Variants in COL22A1 observed in about 807,000 individuals in gnomAD.
The protein encoded by COL22A1 is collagen alpha-1(XXII) chain.
Under a neutral mutation model 248.9 loss-of-function variants are expected in COL22A1, and 221 were observed. The ratio of observed to expected loss-of-function variants is 0.89; its 90% CI spans 0.80 to 0.99. The LOEUF (loss-of-function observed/expected upper bound fraction) is 0.99. Among genes scored for constraint, COL22A1 ranks in the 50% least tolerant of loss-of-function variants. The pLI is 0.00. For missense variants in COL22A1, 2,240 were observed against 2,179.0 expected (o/e 1.03, Z -0.56); for synonymous variants, 891 against 793.4 (o/e 1.12, Z -2.07).
intron 51 of COL22A1, among the ~76,000 whole-genome samples, chr8:138,624,167 A>ATGCTG (rs1820061891): frequency 6.6e-6 from 1 of 152,120 alleles, no homozygotes; most frequent in Non-Finnish European, 1.5e-5. Context: ...GGGAATGTGG[A>ATGCTG]TGCTGACGAT....
At chr8:138,785,994 G>A (rs926608506) in intron 12 of COL22A1, among the ~76,000 whole-genome samples, 3 of 152,146 alleles carry the variant, frequency 2.0e-5, no homozygotes, top group Non-Finnish European at 2.9e-5. Context: ...ATGGTCCTTA[G>A]AGCCAACGAG....
rs764261522 is a variant in COL22A1 at position 138,705,920 on chromosome 8, C to T, written c.2518-2573G>A. Among the ~76,000 whole-genome samples the T allele has an allele frequency of 3.0e-4, 45 of 151,962 alleles. 1 individual carries two copies. The highest frequency in any genetic ancestry group is 4.0e-4 in the Non-Finnish European group (27 of 67,978). On this transcript the variant is annotated intron_variant, in intron 30 of 64. Coordinates refer to ENST00000303045, the MANE Select transcript of COL22A1 (RefSeq NM_152888.3). ...TGCAGAGACACACATAGGCTCAAAA[C>T]AAAGGGATAGAGGAAGATCTACCAA...
At chr8:138,621,567 T>A (rs1819804123) in intron 52 of COL22A1, among the ~76,000 whole-genome samples, 1 of 152,232 alleles carries the variant, frequency 6.6e-6, no homozygotes, top group Admixed American at 6.5e-5. Flanking sequence ...ATACACGTTC[T>A]GCAGAAAGGT....
chr8:138,624,927 A>G (rs937542405), intron 51 of COL22A1, among the ~76,000 whole-genome samples: 1 of 152,206 alleles, frequency 6.6e-6, no homozygotes, highest in Non-Finnish European at 1.5e-5. Context: ...GTGGGGACTC[A>G]AGGCTAAACA....
chr8:138,700,033 T>C (rs1827823746), intron 32 of COL22A1, 79 bp downstream of exon 32: 2 of 1,389,998 alleles, frequency 1.4e-6, no homozygotes, highest in Admixed American at 3.5e-5. Context: ...CCCCACCCAG[T>C]CCAGGCTCCC....
chr8:138,776,635 C>T (rs750074592), intron 15 of COL22A1, among the ~76,000 whole-genome samples: 16 of 152,004 alleles, frequency 1.1e-4, no homozygotes, highest in South Asian at 2.1e-4. Context: ...TTCCCCCCAC[C>T]CCATCATCCA....
At chr8:138,803,093 A>G (rs1414794168) in intron 10 of COL22A1, among the ~76,000 whole-genome samples, 159 bp from the exon 11 acceptor site, 1 of 152,134 alleles carries the variant, frequency 6.6e-6, no homozygotes, top group Non-Finnish European at 1.5e-5. Flanking sequence ...ACCCCTGGAG[A>G]GGAGGAAGCA....
chr8:138,761,671 T>A (rs914620141), intron 17 of COL22A1, among the ~76,000 whole-genome samples: 2 of 152,160 alleles, frequency 1.3e-5, no homozygotes, highest in Non-Finnish European at 2.9e-5. Context: ...CATAGTATTT[T>A]ACTAATTGGC....
At chr8:138,857,757 TG>T (rs1470465723) in intron 3 of COL22A1, among the ~76,000 whole-genome samples, 1 of 152,230 alleles carries the variant, frequency 6.6e-6, no homozygotes, top group African/African-American at 2.4e-5. Flanking sequence ...AGTGACCCTG[TG>T]GTCCAACCCC....
intron 3 of COL22A1, among the ~76,000 whole-genome samples, chr8:138,872,957 C>G (rs1382942252): frequency 6.6e-6 from 1 of 152,170 alleles, no homozygotes; most frequent in Non-Finnish European, 1.5e-5. Context: ...GATTTTTTTC[C>G]AAGTTCGTTT....
At chr8:138,819,713 ATATAT>A (rs1400434331) in intron 7 of COL22A1, among the ~76,000 whole-genome samples, 1 of 148,334 alleles carries the variant, frequency 6.7e-6, no homozygotes, top group Non-Finnish European at 1.5e-5. Context: ...TATAATGTTT[ATATAT>A]TATATATAAT....
intron 3 of COL22A1, among the ~76,000 whole-genome samples, chr8:138,873,429 AG>A (rs1340941343): frequency 3.5e-4 from 54 of 152,310 alleles, no homozygotes; most frequent in African/African-American, 1.3e-3. Context: ...ATTAACTGTC[AG>A]GCCACTGCCC....
At chr8:138,761,144 C>T (rs1224302236) in intron 17 of COL22A1, among the ~76,000 whole-genome samples, 2 of 152,162 alleles carry the variant, frequency 1.3e-5, no homozygotes, top group African/African-American at 4.8e-5. Flanking sequence ...AGACCCTCGC[C>T]GGCCAGCCCA....
rs533481649 is a variant in COL22A1, at chr8:138,661,746, C to T, written c.3240+284G>A. On this transcript the variant is annotated intron_variant, in intron 43 of 64. Transcript: ENST00000303045. ...GCAGAACTGACTAGGGTATGTAAGA[C>T]ATTGACCAAGAAATTAGGGAACATT... Among the ~76,000 whole-genome samples the T allele has an allele frequency of 2.9e-4, 36 of 122,450 alleles. 1 individual carries two copies. The highest frequency in any genetic ancestry group is 1.4e-3 in the African/African-American group (36 of 26,158). The allele number at this position is 122,450 out of a possible 152,430, so 80.3% of individuals were successfully genotyped here. A position where few individuals can be genotyped will look rare whatever the true frequency, so the allele number is the denominator to read the frequency against.
intron 29 of COL22A1, among the ~76,000 whole-genome samples, 163 bp from the exon 30 acceptor site, chr8:138,715,898 C>T (rs1212400503): frequency 2.6e-5 from 4 of 152,144 alleles, no homozygotes; most frequent in Non-Finnish European, 5.9e-5. Flanking sequence ...TGAAGTGTAA[C>T]TCAGAGGGGA....
At chr8:138,709,338 C>T (rs1301748681) in intron 30 of COL22A1, among the ~76,000 whole-genome samples, 4 of 152,098 alleles carry the variant, frequency 2.6e-5, no homozygotes, top group Admixed American at 6.6e-5. Flanking sequence ...CACATGCACA[C>T]GTATGTTTAT....
chr8:138,615,856 T>C, intron 55 of COL22A1, 145 bp downstream of exon 55: 1 of 632,086 alleles, frequency 1.6e-6, no homozygotes, highest in African/African-American at 1.8e-5. Flanking sequence ...GCCAATCTCA[T>C]CCTTGCCAAC....
intron 6 of COL22A1, among the ~76,000 whole-genome samples, chr8:138,823,220 C>T (rs148985267): frequency 3.3e-5 from 5 of 152,162 alleles, no homozygotes; most frequent in South Asian, 2.1e-4. Context: ...TGAATTGTCA[C>T]GAGGATTATG....
At chr8:138,756,014 T>C (rs1358420796) in intron 18 of COL22A1, among the ~76,000 whole-genome samples, 185 bp from the exon 19 acceptor site, 1 of 152,196 alleles carries the variant, frequency 6.6e-6, no homozygotes, top group Non-Finnish European at 1.5e-5. Context: ...GTTCTGATCC[T>C]CATCTCTGCC....
Sources: gnomAD v4.1 joint callset for allele counts (sites outside exome capture counted in the v4.1 genomes callset) on GRCh38, gnomAD v4.1.1 for gene constraint, MANE v1.5 for transcripts, NCBI Gene and HGNC (gene_info 2026-07-23, HGNC 2026-07-21) for gene names.